The following MPP4 variants were observed in gnomAD, a reference collection of about 807,000 sequenced individuals.
MPP4 encodes the protein MAGUK p55 scaffold protein 4, also known as MAGUK p55 subfamily member 4.
In MPP4, 91 loss-of-function variants were observed where a neutral mutation model predicts 98.3. The ratio of observed to expected loss-of-function variants is 0.93; its 90% CI spans 0.78 to 1.10. The LOEUF (loss-of-function observed/expected upper bound fraction) is 1.10. MPP4 is among the 50% of genes least tolerant of loss of function. The pLI is 0.00. For missense variants in MPP4, 744 were observed against 792.9 expected (o/e 0.94, Z 0.74); for synonymous variants, 261 against 271.8 (o/e 0.96, Z 0.39).
chr2:201,645,157 G>A lies in MPP4; in HGVS notation c.*53C>T. 2 of 1,435,820 alleles carry A rather than the reference G, an allele frequency of 1.4e-6. No individual in the cohort carries two copies. The highest frequency in any genetic ancestry group is 1.4e-5 in the African/African-American group (1 of 70,312). The allele number at this position is 1,435,820 out of a possible 1,614,324, so 88.9% of individuals were successfully genotyped here. On this transcript the variant is annotated 3_prime_UTR_variant, in exon 22 of 22. Transcript: ENST00000409474. ...TACTGTTGTTTTAGATTGCAACTAT[G>A]GATCGCTGTATCAAGGGTACAGTGT...
chr2:201,664,039 A>G (rs1278123272), intron 14 of MPP4, 42 bp downstream of exon 14: 4 of 1,386,662 alleles, frequency 2.9e-6, no homozygotes, highest in African/African-American at 1.4e-5. Flanking sequence ...AATTTAGAAT[A>G]TACATTTAAA....
At chr2:201,656,703 T>C (rs888011) in intron 16 of MPP4, among the ~76,000 whole-genome samples, 97,485 of 151,942 alleles carry the variant, frequency 0.64, 31,435 homozygotes, top group East Asian at 0.69. Flanking sequence ...CATAAGAAGA[T>C]GAGGTAGATA....
At chr2:201,656,704 G>A (rs911337362) in intron 16 of MPP4, among the ~76,000 whole-genome samples, 2 of 152,170 alleles carry the variant, frequency 1.3e-5, no homozygotes, top group Non-Finnish European at 2.9e-5. Context: ...ATAAGAAGAT[G>A]AGGTAGATAG....
At chr2:201,669,139 A>G (rs1343185817) in intron 12 of MPP4, among the ~76,000 whole-genome samples, 1 of 142,088 alleles carries the variant, frequency 7.0e-6, no homozygotes, top group Non-Finnish European at 1.5e-5. Context: ...AGAGAGAGAG[A>G]GCACCATCAT....
rs754471935 is a variant in MPP4, at chr2:201,680,865, A to C, written c.902T>G (p.Leu301Arg). 3 of 1,613,354 alleles carry C rather than the reference A, an allele frequency of 1.9e-6. No individual in the cohort carries two copies. The South Asian group carries it at 3.3e-5, about 18-fold the overall frequency. The part of the protein sequence containing the change: ...KISDPATCAG[L>R]VPSNHLLKRK... ...CTTCAGAAGGTGGTTAGAAGGGACA[A>C]GCCCAGCGCAGGTAGCAGGGTCTGA... Residue 301 changes from leucine to arginine, a missense_variant, in exon 10 of 22, where the codon CTT (leucine) becomes CGT (arginine). Coordinates refer to ENST00000409474, the MANE Select transcript of MPP4 (RefSeq NM_033066.3).
intron 3 of MPP4, among the ~76,000 whole-genome samples, 187 bp from the exon 4 acceptor site, chr2:201,690,466 C>T (rs1039354924): frequency 1.3e-5 from 2 of 152,094 alleles, no homozygotes; most frequent in Non-Finnish European, 2.9e-5. Flanking sequence ...TTTGGTGGCC[C>T]CGATGCTTCA....
chr2:201,697,900 A>G (rs1689239219), intron 1 of MPP4: 1 of 979,362 alleles, frequency 1.0e-6, no homozygotes, highest in South Asian at 4.7e-5. Flanking sequence ...AAAGATGCTG[A>G]TGCCTGGCAT....
chr2:201,675,843 T>C (rs1688493335), intron 10 of MPP4, among the ~76,000 whole-genome samples: 1 of 152,204 alleles, frequency 6.6e-6, no homozygotes, highest in Non-Finnish European at 1.5e-5. Context: ...TCAAAGCAAC[T>C]TTCTAAGCAA....
chr2:201,649,919 T>C (rs1687669379), intron 19 of MPP4, among the ~76,000 whole-genome samples, 153 bp downstream of exon 19: 1 of 152,136 alleles, frequency 6.6e-6, no homozygotes, highest in Non-Finnish European at 1.5e-5. Context: ...ACCCAGTGAG[T>C]TGGTGTGCTG....
At chr2:201,647,601 G>A in intron 21 of MPP4, 90 bp downstream of exon 21, 1 of 1,396,726 alleles carries the variant, frequency 7.2e-7, no homozygotes, top group Non-Finnish European at 9.8e-7. Flanking sequence ...GGAGGACAAT[G>A]AGATCAGAGA....
chr2:201,691,121 G>C (rs1187386837), intron 3 of MPP4, among the ~76,000 whole-genome samples: 1 of 152,096 alleles, frequency 6.6e-6, no homozygotes, highest in Non-Finnish European at 1.5e-5. Context: ...ACTCACCAAG[G>C]GCCTAGCAGT....
intron 20 of MPP4, 136 bp downstream of exon 20, chr2:201,649,440 C>G (rs1020238449): frequency 3.2e-6 from 2 of 633,890 alleles, no homozygotes; most frequent in Non-Finnish European, 5.5e-6. Flanking sequence ...TAAGTAAGAT[C>G]TTATATATGG....
In MPP4 at chr2:201,649,663, G is replaced by A. The variant is rs1441900307; in HGVS notation, c.1497C>T (p.Tyr499=). Residue 499 remains tyrosine (Y), a synonymous_variant, in exon 20 of 22, where the codon TAC becomes TAT. Transcript: ENST00000409474. ...YSHRMLEYGE[Y]KGHLYGTSVD... is the part of the protein sequence containing the mutation. The stretch of plus-strand genomic sequence containing the variant: ...CACTAGTGCCATACAGGTGGCCTTT[G>A]TACTCACCATACTCCAGCATCCTGC... 2 of 1,610,150 alleles carry A rather than the reference G, an allele frequency of 1.2e-6. No homozygotes were observed. Among genetic ancestry groups the A allele is most frequent in the Admixed American group, 1.7e-5 (1 of 59,578 alleles).
chr2:201,687,013 A>G (rs1025813900), intron 5 of MPP4, among the ~76,000 whole-genome samples: 2 of 152,210 alleles, frequency 1.3e-5, no homozygotes, highest in African/African-American at 4.8e-5. Context: ...TTGCTACCCA[A>G]GATTTTTGGA....
intron 18 of MPP4, chr2:201,652,180 C>T (rs1002203553): frequency 1.6e-5 from 3 of 187,246 alleles, no homozygotes; most frequent in African/African-American, 2.4e-5. Context: ...GTTTCCTGGC[C>T]GGGTGTGGTG....
At chr2:201,683,411 A>G (rs2105940727) in intron 7 of MPP4, among the ~76,000 whole-genome samples, 2 of 152,344 alleles carry the variant, frequency 1.3e-5, no homozygotes, top group Admixed American at 1.3e-4. Context: ...TAAAAAATTC[A>G]AGAAAGGTGT....
chr2:201,678,891 T>C (rs1342977737), intron 10 of MPP4, among the ~76,000 whole-genome samples: 1 of 152,076 alleles, frequency 6.6e-6, no homozygotes, highest in Non-Finnish European at 1.5e-5. Context: ...TCTCAATGAT[T>C]TTATCACACA....
intron 18 of MPP4, chr2:201,650,995 A>T: frequency 1.0e-6 from 1 of 984,734 alleles, no homozygotes; most frequent in South Asian, 4.7e-5. Context: ...CTGAGTGCCT[A>T]CTATGTTCCA....
chr2:201,687,394 T>A (rs1483369817), intron 4 of MPP4, 23 bp from the exon 5 acceptor site: 1 of 1,543,436 alleles, frequency 6.5e-7, no homozygotes, highest in Admixed American at 2.0e-5. Context: ...AAAGGATACA[T>A]TATAAAAATT....
Sources: allele counts gnomAD v4.1 joint callset (sites outside exome capture counted in the v4.1 genomes callset), GRCh38; gene constraint gnomAD v4.1.1; transcripts MANE v1.5; gene names NCBI Gene and HGNC (gene_info 2026-07-23, HGNC 2026-07-21).